PURG: variants seen among roughly 807,000 people sequenced by gnomAD.
PURG encodes purine rich element binding protein G, also known as purine-rich element-binding protein gamma.
A neutral mutation model predicts 24.3 loss-of-function variants in PURG; 3 were observed. The ratio of observed to expected loss-of-function variants is 0.12; its 90% CI spans 0.06 to 0.32. The LOEUF (loss-of-function observed/expected upper bound fraction) is 0.32. PURG is among the 10% of genes least tolerant of loss of function. The pLI is 1.00. For missense variants in PURG, 371 were observed against 439.1 expected (o/e 0.84, Z 1.39); for synonymous variants, 180 against 173.1 (o/e 1.04, Z -0.31).
At chr8:31,027,124 T>C (rs999993171), downstream of PURG, among the ~76,000 whole-genome samples, 1 of 151,754 alleles carries the variant, frequency 6.6e-6, no homozygotes, top group Non-Finnish European at 1.5e-5. Context: ...TTAGCCACCA[T>C]TTCTCTTTGA....
intron 1 of PURG, among the ~76,000 whole-genome samples, chr8:31,019,544 G>A (rs1036702120): frequency 6.6e-5 from 10 of 151,542 alleles, no homozygotes; most frequent in Middle Eastern, 3.4e-3. Context: ...TGTAGGTCAA[G>A]CTGATCTTGA....
chr8:31,002,763 C>A (rs183717641), intron 1 of PURG, among the ~76,000 whole-genome samples: 1 of 152,144 alleles, frequency 6.6e-6, no homozygotes, highest in African/African-American at 2.4e-5. Context: ...GGATTACAGG[C>A]GTGAGCCACC....
At position 31,032,750 on chromosome 8, in the gene PURG, G is replaced by C. The variant is rs1585373542; in HGVS notation, c.33C>G (p.Gly11=). Residue 11 remains glycine, a synonymous_variant, in exon 2 of 2, where the codon GGC becomes GGG. Transcript: ENST00000523392. The surrounding 1 kb of genome is among the most constrained non-coding windows in gnomAD (Gnocchi z 5.9). MERARRRGGG[G]GRGRGGKNVG... ...CATTCTTGCCTCCGCGGCCGCGGCC[G>C]CCGCCGCCTCCCCTTCGCCTGGCTC... 1 of 1,435,042 alleles carries C rather than the reference G, an allele frequency of 7.0e-7. No homozygotes were observed. The highest frequency in any genetic ancestry group is 9.2e-7 in the Non-Finnish European group (1 of 1,091,092). The allele number at this position is 1,435,042 out of a possible 1,614,324, so 88.9% of individuals were successfully genotyped here.
At chr8:31,004,798 C>T (rs1311385591) in intron 1 of PURG, among the ~76,000 whole-genome samples, 8 of 152,150 alleles carry the variant, frequency 5.3e-5, no homozygotes, top group Non-Finnish European at 8.8e-5. Flanking sequence ...ATTCCTGATG[C>T]GAACTCAGGT....
intron 1 of PURG, among the ~76,000 whole-genome samples, chr8:31,018,162 T>C (rs1258410244): frequency 1.3e-5 from 2 of 152,338 alleles, no homozygotes; most frequent in Non-Finnish European, 2.9e-5. Flanking sequence ...AGTTCTTACG[T>C]TGTTTTGCAA....
rs992852827 is a variant in PURG at position 31,031,069 on chromosome 8, A to G, written c.*670T>C. 6.6e-6 allele frequency: 1 copy of G among 152,614 alleles called. No individual in the cohort carries two copies. Among genetic ancestry groups the G allele is most frequent in the Non-Finnish European group, 1.5e-5 (1 of 67,996 alleles). The allele number at this position is 152,614 out of a possible 1,614,324, so 9.5% of individuals were successfully genotyped here. On this transcript the variant is annotated 3_prime_UTR_variant, in exon 2 of 2. Coordinates refer to ENST00000523392, the MANE Select transcript of PURG (RefSeq NM_001323311.2). ...GTAACTAAACTTAGAATAACGAATT[A>G]AAACTCTCCCATGGCTTTGATATGG...
downstream of PURG, among the ~76,000 whole-genome samples, chr8:31,026,659 T>TATATATACATAC (rs1554513481): frequency 7.0e-6 from 1 of 143,728 alleles, no homozygotes; most frequent in South Asian, 2.2e-4. Context: ...TATATATATA[T>TATATATACATAC]ATACATACAC....
At chr8:31,000,873 A>C (rs1357499257) in intron 1 of PURG, among the ~76,000 whole-genome samples, 1 of 152,206 alleles carries the variant, frequency 6.6e-6, no homozygotes, top group East Asian at 1.9e-4. Flanking sequence ...CTAAAATCAG[A>C]AAAGACCAGG....
chr8:31,019,505 T>G (rs1252785528), intron 1 of PURG, among the ~76,000 whole-genome samples: 15 of 151,462 alleles, frequency 9.9e-5, no homozygotes, highest in Admixed American at 2.0e-4. Flanking sequence ...GGCTAATTTT[T>G]GTATTTTAGT....
intron 1 of PURG, among the ~76,000 whole-genome samples, chr8:31,020,639 AT>A (rs1326141227): frequency 6.6e-6 from 1 of 152,172 alleles, no homozygotes; most frequent in Admixed American, 6.5e-5. Flanking sequence ...GAAGAAAATA[AT>A]TTTTTACAAA....
intron 1 of PURG, among the ~76,000 whole-genome samples, chr8:31,006,513 C>T (rs1044773244): frequency 4.6e-5 from 6 of 130,002 alleles, no homozygotes; most frequent in East Asian, 5.7e-4. Context: ...AGAATAGCTC[C>T]GTCTCAAAAC....
At chr8:31,008,430 A>C (rs1810699022) in intron 1 of PURG, among the ~76,000 whole-genome samples, 1 of 152,036 alleles carries the variant, frequency 6.6e-6, no homozygotes, top group African/African-American at 2.4e-5. Flanking sequence ...CAGCCTCCCG[A>C]GTAGCTGGGA....
At chr8:30,996,777 T>C in intron 1 of PURG, 4 of 1,063,498 alleles carry the variant, frequency 3.8e-6, no homozygotes, top group Non-Finnish European at 5.6e-6. Flanking sequence ...TACAAACCCA[T>C]AATTAATCTC....
At chr8:31,008,544 G>A (rs905873384) in intron 1 of PURG, among the ~76,000 whole-genome samples, 7 of 152,082 alleles carry the variant, frequency 4.6e-5, no homozygotes, top group Admixed American at 2.6e-4. Flanking sequence ...CCTCAAGTGA[G>A]GCCCACCAAG....
intron 1 of PURG, among the ~76,000 whole-genome samples, chr8:31,003,705 T>C (rs1810586135): frequency 6.6e-6 from 1 of 151,898 alleles, no homozygotes; most frequent in Admixed American, 6.6e-5. Context: ...GAGGTTGCAA[T>C]GACCCGAGAT....
At chr8:31,019,810 C>T (rs372549137) in intron 1 of PURG, among the ~76,000 whole-genome samples, 47 of 150,310 alleles carry the variant, frequency 3.1e-4, no homozygotes, top group Admixed American at 6.0e-4. Flanking sequence ...GGAGTACAGG[C>T]GTGAGCCACC....
At chr8:30,996,956 A>G (rs1356727535) in intron 1 of PURG, among the ~76,000 whole-genome samples, 1 of 151,786 alleles carries the variant, frequency 6.6e-6, no homozygotes, top group Non-Finnish European at 1.5e-5. Flanking sequence ...ATATAATTTT[A>G]CTCACCAAGA....
At chr8:30,999,554 G>T (rs899267258) in intron 1 of PURG, among the ~76,000 whole-genome samples, 2 of 151,946 alleles carry the variant, frequency 1.3e-5, no homozygotes, top group African/African-American at 4.8e-5. Context: ...GTTTGATTTT[G>T]ACTCTAAAGC....
At position 31,008,227 on chromosome 8, in the gene PURG, A is replaced by T. The variant is rs147525590; in HGVS notation, c.865-11530T>A. On this transcript the variant is annotated intron_variant, in intron 1 of 1. Transcript: ENST00000339382. Reference sequence around the variant, plus strand: ...CGTGGGTTGGGAAGAATTAATAATGATGTTAACTAATATTTGTTAAATGCT... The same window carrying T: ...CGTGGGTTGGGAAGAATTAATAATGTTGTTAACTAATATTTGTTAAATGCT... Among the ~76,000 whole-genome samples, 184 of 152,314 alleles carry T rather than the reference A, an allele frequency of 1.2e-3. 4 individuals are homozygous for T. The East Asian group carries it at 0.032, about 26-fold the overall frequency.
Sources: allele counts gnomAD v4.1 joint callset (sites outside exome capture counted in the v4.1 genomes callset), GRCh38; gene constraint gnomAD v4.1.1; non-coding constraint Gnocchi (gnomAD v3.1); transcripts MANE v1.5; gene names NCBI Gene and HGNC (gene_info 2026-07-23, HGNC 2026-07-21).